Variants in UPF3B observed in about 807,000 individuals in gnomAD.
UPF3B encodes the protein UPF3B regulator of nonsense mediated mRNA decay.
Under a neutral mutation model 40.3 loss-of-function variants are expected in UPF3B, and 7 were observed. The ratio of observed to expected loss-of-function variants is 0.17; its 90% CI spans 0.10 to 0.33. UPF3B has a LOEUF of 0.33. UPF3B is among the 10% of genes least tolerant of loss of function. UPF3B has a pLI of 1.00. For synonymous variants in UPF3B, 117 were observed against 117.3 expected (o/e 1.00, Z 0.01); for missense variants, 229 against 358.9 (o/e 0.64, Z 2.93).
At chrX:119,842,583 CACACACACACACACACACACAT>C (rs916352084) in intron 5 of UPF3B, among the ~76,000 whole-genome samples, 2 of 74,560 alleles carry the variant, frequency 2.7e-5, no homozygotes, top group African/African-American at 1.3e-4. Context: ...CCATCTCTCA[CACACACACACACACACACACAT>C]ACACACACAC....
chrX:119,838,590 C>G, intron 8 of UPF3B, 63 bp from the exon 9 acceptor site: 1 of 1,095,789 alleles, frequency 9.1e-7, no homozygotes, highest in Non-Finnish European at 1.2e-6. Flanking sequence ...ATTAAAAACC[C>G]AGTATACCAA....
rs2040589 is a variant in UPF3B, at chrX:119,842,956, C to T, written c.580+235G>A. Among the ~76,000 whole-genome samples, 472 of 112,188 alleles carry T rather than the reference C, an allele frequency of 4.2e-3. 2 individuals carry two copies. Among genetic ancestry groups the T allele is most frequent in the African/African-American group, 0.014 (443 of 30,961 alleles). On this transcript the variant is annotated intron_variant, in intron 5 of 10. Transcript: ENST00000276201. ...TGTCTAAACATTCCTTATCAGTCAT[C>T]GAACTTTTTGTATTTATATTACATT...
chrX:119,807,711 T>C (rs1034531405), intron 5 of UPF3B: 6 of 217,374 alleles, frequency 2.8e-5, no homozygotes, highest in Non-Finnish European at 4.0e-5. Flanking sequence ...TGTGAGGGCA[T>C]GGTAAATGAC....
Position 119,807,474 on chromosome X carries a change from C to T in UPF3B, c.*11+1G>A. 1 of 890,206 alleles carries T rather than the reference C, an allele frequency of 1.1e-6. No homozygotes were observed. The highest frequency in any genetic ancestry group is 2.1e-5 in the African/African-American group (1 of 48,724). The allele number at this position is 890,206 out of a possible 1,213,427, so 73.4% of individuals were successfully genotyped here. A position where few individuals can be genotyped will look rare whatever the true frequency, so the allele number is the denominator to read the frequency against. On this transcript the variant is annotated splice_donor_variant, in intron 6 of 6. Transcript: ENST00000636792. LOFTEE classifies it low-confidence loss of function (3UTR_SPLICE). ...TCTTTTCTATGGTTAATATCACTTT[C>T]CTGCTTTCTTTCTACTGCTGAATCT...
At chrX:119,842,605 T>TACACATACACAC (rs1556380035) in intron 5 of UPF3B, among the ~76,000 whole-genome samples, 1 of 91,392 alleles carries the variant, frequency 1.1e-5, no homozygotes, top group Non-Finnish European at 2.2e-5. Flanking sequence ...CACACACACA[T>TACACATACACAC]ACACACACAC....
At chrX:119,818,032 C>T (rs147809339) in intron 4 of UPF3B, among the ~76,000 whole-genome samples, 1,466 of 111,253 alleles carry the variant, frequency 0.013, 15 homozygotes, top group African/African-American at 0.046. Flanking sequence ...TTTGGGAGGC[C>T]GAGGCGGGTG....
intron 3 of UPF3B, among the ~76,000 whole-genome samples, chrX:119,850,127 C>G (rs1236310823): frequency 9.1e-6 from 1 of 109,869 alleles, no homozygotes; most frequent in African/African-American, 3.3e-5. Flanking sequence ...GAGACCCCAT[C>G]TCTATAAAAA....
chrX:119,827,000 T>C (rs189229308), intron 3 of UPF3B, among the ~76,000 whole-genome samples: 9 of 112,082 alleles, frequency 8.0e-5, no homozygotes, highest in African/African-American at 2.6e-4. Flanking sequence ...TTGAGAAAGT[T>C]AGCTAACTCT....
intron 4 of UPF3B, among the ~76,000 whole-genome samples, chrX:119,844,298 G>A (rs920063049): frequency 1.8e-5 from 2 of 111,126 alleles, no homozygotes; most frequent in African/African-American, 6.5e-5. Context: ...AACTCTGCCC[G>A]CCTTGGCCTC....
At chrX:119,824,764 C>CT (rs11351287) in intron 3 of UPF3B, among the ~76,000 whole-genome samples, 2,307 of 65,592 alleles carry the variant, frequency 0.035, 108 homozygotes, top group African/African-American at 0.11. Context: ...CCATTTCTTT[C>CT]TTTTTTTTTT....
chrX:119,832,350 C>T (rs1377428826), downstream of UPF3B, among the ~76,000 whole-genome samples: 1 of 111,951 alleles, frequency 8.9e-6, no homozygotes, highest in Non-Finnish European at 1.9e-5. Flanking sequence ...TCTCTGCCTC[C>T]CAGGTTCAAG....
At chrX:119,839,325 G>A (rs1355289410) in intron 8 of UPF3B, among the ~76,000 whole-genome samples, 2 of 112,059 alleles carry the variant, frequency 1.8e-5, no homozygotes, top group African/African-American at 6.5e-5. Context: ...ACTTATGATG[G>A]TACAATTATC....
At chrX:119,827,754 A>T (rs1345462148) in intron 3 of UPF3B, among the ~76,000 whole-genome samples, 2 of 109,135 alleles carry the variant, frequency 1.8e-5, no homozygotes, top group Admixed American at 9.8e-5. Flanking sequence ...TTTTTTTGAG[A>T]TGGAGTCTCA....
intron 5 of UPF3B, among the ~76,000 whole-genome samples, chrX:119,808,153 T>C (rs1319287685): frequency 2.7e-5 from 3 of 111,684 alleles, no homozygotes; most frequent in Non-Finnish European, 5.6e-5. Flanking sequence ...GTGCTGGGCT[T>C]ATAGGGATGA....
Position 119,834,935 on chromosome X carries a change from T to G in UPF3B, c.1395A>C (p.Ala465=), listed in dbSNP as rs1569461139. The G allele has an allele frequency of 8.2e-7, 1 of 1,212,215 alleles. No individual in the cohort carries two copies. Residue 465 remains alanine (A), a synonymous_variant, in exon 11 of 11, where the codon GCA becomes GCC. Coordinates refer to ENST00000276201, the MANE Select transcript of UPF3B (RefSeq NM_080632.3). ...PDDSTKSGDS[A]AERKQESGIS... ...TACCACTTTCCTGCTTCCTTTCTGC[T>G]GCTGAATCTCCAGACTTGGTGCTGT...
chrX:119,851,117 G>T (rs894453597), intron 3 of UPF3B, among the ~76,000 whole-genome samples: 4 of 112,327 alleles, frequency 3.6e-5, no homozygotes, highest in Non-Finnish European at 7.5e-5. Context: ...GGGAACTGTT[G>T]GCTTAATGGA....
rs1223776184 is a variant in UPF3B, at chrX:119,838,476, T to C, written c.898A>G (p.Lys300Glu). 8.3e-7 allele frequency: 1 copy of C among 1,210,443 alleles called. No homozygotes were observed. The highest frequency in any genetic ancestry group is 1.1e-6 in the Non-Finnish European group (1 of 895,246). Reference protein sequence around the residue: ...GDEKELDKREKAKKLDKENLS... With the variant: ...GDEKELDKREEAKKLDKENLS... ...TTCTCTTTGTCCAATTTCTTGGCTTTTTCTCTTTTGTCCAATTCTTTTTCA... is the reference window on the plus strand; with the variant it reads ...TTCTCTTTGTCCAATTTCTTGGCTTCTTCTCTTTTGTCCAATTCTTTTTCA... The change falls in exon 9 of 11, where the codon AAA becomes GAA. Residue 300 changes from lysine (K) to glutamate (E), a missense_variant. Lys to Glu is a moderately conservative substitution (Grantham distance 56). Coordinates refer to ENST00000276201, the MANE Select transcript of UPF3B (RefSeq NM_080632.3).
Position 119,835,038 on chromosome X carries a change from A to C in UPF3B, c.1303-11T>G. Reference sequence around the variant, plus strand: ...CATCGCTGGACGATCCTGAAGTACAATAAAATATGTTACCATTACAACAAT... The same window carrying C: ...CATCGCTGGACGATCCTGAAGTACACTAAAATATGTTACCATTACAACAAT... On this transcript the variant is annotated splice_polypyrimidine_tract_variant and intron_variant, in intron 10 of 10. Coordinates refer to ENST00000276201, the MANE Select transcript of UPF3B (RefSeq NM_080632.3). 1 of 1,211,077 alleles carries C rather than the reference A, an allele frequency of 8.3e-7. No homozygotes were observed. The highest frequency in any genetic ancestry group is 1.1e-6 in the Non-Finnish European group (1 of 894,830).
chrX:119,816,749 T>C (rs1379454072), intron 4 of UPF3B, among the ~76,000 whole-genome samples: 1 of 111,755 alleles, frequency 8.9e-6, no homozygotes, highest in Non-Finnish European at 1.9e-5. Context: ...TCGTTGTCTC[T>C]TTCTCTTGAG....
Sources: allele counts gnomAD v4.1 joint callset (sites outside exome capture counted in the v4.1 genomes callset), GRCh38; gene constraint gnomAD v4.1.1; transcripts MANE v1.5; gene names NCBI Gene and HGNC (gene_info 2026-07-23, HGNC 2026-07-21).